The following NKAIN2 variants were observed in gnomAD, a reference collection of about 807,000 sequenced individuals.
NKAIN2 encodes sodium/potassium-transporting ATPase subunit beta-1-interacting protein 2.
A neutral mutation model predicts 32.6 loss-of-function variants in NKAIN2; 14 were observed. The observed-to-expected ratio is 0.43, with a 90% CI of 0.28 to 0.67. NKAIN2 has a LOEUF of 0.67. Among genes scored for constraint, NKAIN2 ranks in the 30% least tolerant of loss-of-function variants. NKAIN2 has a pLI of 0.17. For missense variants in NKAIN2, 198 were observed against 258.3 expected (o/e 0.77, Z 1.60); for synonymous variants, 80 against 87.2 (o/e 0.92, Z 0.46).
chr6:124,717,734 A>T (rs890635617), intron 4 of NKAIN2, among the ~76,000 whole-genome samples: 2 of 152,158 alleles, frequency 1.3e-5, no homozygotes, highest in Non-Finnish European at 2.9e-5. Flanking sequence ...TTCAACTAAG[A>T]TGACTGTAAT....
chr6:124,189,504 T>A (rs1294337788), intron 1 of NKAIN2, among the ~76,000 whole-genome samples: 2 of 151,862 alleles, frequency 1.3e-5, no homozygotes, highest in African/African-American at 4.8e-5. Flanking sequence ...TTCGAGACTA[T>A]CCTGCTAACA....
At chr6:124,051,479 G>T (rs1044640282) in intron 1 of NKAIN2, among the ~76,000 whole-genome samples, 1 of 151,746 alleles carries the variant, frequency 6.6e-6, no homozygotes, top group African/African-American at 2.4e-5. Context: ...CAACGTGCAG[G>T]TTTGTTACAT....
rs189587300 is a variant in NKAIN2 at position 124,670,165 on chromosome 6, T to C, written c.474+11779T>C. Among the ~76,000 whole-genome samples the C allele has an allele frequency of 2.9e-4, 44 of 152,280 alleles. 1 individual carries two copies. Among genetic ancestry groups the C allele is most frequent in the Middle Eastern group, 3.4e-3 (1 of 294 alleles). On this transcript the variant is annotated intron_variant, in intron 4 of 6. Transcript: ENST00000368417. ...AGAGAAATGTTAGTTACTTGATTGC[T>C]AGAAGCCAATATTTTTCCAAGTGTT...
chr6:124,103,315 CA>C (rs56967269), intron 1 of NKAIN2, among the ~76,000 whole-genome samples: 4,319 of 152,196 alleles, frequency 0.028, 204 homozygotes, highest in African/African-American at 0.097. Flanking sequence ...TTAATATTAT[CA>C]ACGTGGGGAT....
intron 3 of NKAIN2, among the ~76,000 whole-genome samples, chr6:124,393,571 G>T (rs1299896427): frequency 6.6e-6 from 1 of 151,968 alleles, no homozygotes; most frequent in Admixed American, 6.6e-5. Flanking sequence ...ACTGAGTGAC[G>T]GTTAAAAAGC....
intron 5 of NKAIN2, among the ~76,000 whole-genome samples, chr6:124,812,963 T>C (rs1480121963): frequency 6.6e-6 from 1 of 152,096 alleles, no homozygotes; most frequent in Non-Finnish European, 1.5e-5. Flanking sequence ...CATTTTCTGT[T>C]AAGCATTGAA....
intron 2 of NKAIN2, among the ~76,000 whole-genome samples, chr6:124,292,887 AAC>A (rs1259653091): frequency 6.6e-6 from 1 of 152,102 alleles, no homozygotes; most frequent in African/African-American, 2.4e-5. Flanking sequence ...TTTTATAAGA[AAC>A]ACACTCATGA....
chr6:124,402,456 C>G lies in NKAIN2; in HGVS notation c.273+47109C>G, dbSNP rs188255219. Among the ~76,000 whole-genome samples, 40 of 152,304 alleles carry G rather than the reference C, an allele frequency of 2.6e-4. No homozygotes were observed. The East Asian group carries it at 6.6e-3, about 25-fold the overall frequency. On this transcript the variant is annotated intron_variant, in intron 3 of 6. Transcript: ENST00000368417. ...TACAAAGTTCTCTGGGCTTTCCATA[C>G]GATTTAACTGTTCTATTTGTCTATC...
intron 2 of NKAIN2, among the ~76,000 whole-genome samples, chr6:124,315,459 C>A (rs936835510): frequency 3.3e-5 from 5 of 152,048 alleles, no homozygotes; most frequent in African/African-American, 9.7e-5. Context: ...TCTCATAAAG[C>A]TGCAGAAACT....
rs10567719 is a variant in NKAIN2, at chr6:124,001,800, A to AATATATATATATATAT, written c.54+197563_54+197578dup. ...AGAAAAAGAAGTTCTCTTAGTTCTA[A>AATATATATATATATAT]ATATATATATATATATATATATATA... is the stretch of plus-strand genomic sequence containing the variant. On this transcript the variant is annotated intron_variant, in intron 1 of 6. Coordinates refer to ENST00000368417, the MANE Select transcript of NKAIN2 (RefSeq NM_001040214.3). Among the ~76,000 whole-genome samples, 429 of 135,004 alleles carry AATATATATATATATAT rather than the reference A, an allele frequency of 3.2e-3. 3 individuals are homozygous for AATATATATATATATAT. Among genetic ancestry groups the AATATATATATATATAT allele is most frequent in the African/African-American group, 7.3e-3 (265 of 36,158 alleles). The allele number at this position is 135,004 out of a possible 152,430, so 88.6% of individuals were successfully genotyped here.
chr6:124,180,488 A>C (rs940356824), intron 1 of NKAIN2, among the ~76,000 whole-genome samples: 1 of 152,090 alleles, frequency 6.6e-6, no homozygotes, highest in Non-Finnish European at 1.5e-5. Context: ...GACACCTGAG[A>C]ATTATGGGAG....
At chr6:124,770,182 C>T (rs1778685997) in intron 4 of NKAIN2, among the ~76,000 whole-genome samples, 1 of 152,184 alleles carries the variant, frequency 6.6e-6, no homozygotes, top group African/African-American at 2.4e-5. Context: ...GAAAACATCA[C>T]ATTTTAAATT....
chr6:124,634,742 A>T (rs534992719), intron 3 of NKAIN2, among the ~76,000 whole-genome samples: 1 of 152,200 alleles, frequency 6.6e-6, no homozygotes, highest in African/African-American at 2.4e-5. Flanking sequence ...AAGCTGAATG[A>T]TTCCCAAATA....
At chr6:124,357,375 C>A (rs867559500) in intron 3 of NKAIN2, among the ~76,000 whole-genome samples, 1 of 152,194 alleles carries the variant, frequency 6.6e-6, no homozygotes, top group Non-Finnish European at 1.5e-5. Flanking sequence ...GTTGCAACTG[C>A]CTCACATTCT....
chr6:123,904,949 A>G (rs1241763695), intron 1 of NKAIN2, among the ~76,000 whole-genome samples: 3 of 152,194 alleles, frequency 2.0e-5, no homozygotes, highest in Non-Finnish European at 4.4e-5. Flanking sequence ...TCAGAAATCA[A>G]TAATCATGAA....
intron 3 of NKAIN2, among the ~76,000 whole-genome samples, chr6:124,535,933 A>G (rs1779694561): frequency 6.6e-6 from 1 of 152,182 alleles, no homozygotes; most frequent in African/African-American, 2.4e-5. Context: ...AATGAAATGA[A>G]TCATTATTCT....
intron 1 of NKAIN2, among the ~76,000 whole-genome samples, chr6:123,808,789 A>C (rs988040510): frequency 1.3e-5 from 2 of 152,186 alleles, no homozygotes; most frequent in African/African-American, 4.8e-5. Context: ...TTTCCCTCTG[A>C]TGCTGCTTTA....
At chr6:124,595,366 A>C (rs901742534) in intron 3 of NKAIN2, among the ~76,000 whole-genome samples, 6 of 152,124 alleles carry the variant, frequency 3.9e-5, no homozygotes, top group African/African-American at 4.8e-5. Context: ...TTATCTGGCC[A>C]TTTTCACAGA....
At chr6:123,954,577 A>G (rs1272792689) in intron 1 of NKAIN2, among the ~76,000 whole-genome samples, 1 of 152,028 alleles carries the variant, frequency 6.6e-6, no homozygotes, top group Admixed American at 6.5e-5. Context: ...ATGATTACCT[A>G]CTCACTATTT....
Sources: gnomAD v4.1 joint callset for allele counts (sites outside exome capture counted in the v4.1 genomes callset) on GRCh38, gnomAD v4.1.1 for gene constraint, MANE v1.5 for transcripts, NCBI Gene and HGNC (gene_info 2026-07-23, HGNC 2026-07-21) for gene names.